Variants in SLIT1 observed in about 807,000 individuals in gnomAD.
SLIT1 encodes the protein slit homolog 1 protein.
SLIT1 carries 66 observed loss-of-function variants against 186.1 expected under a neutral mutation model. The observed-to-expected ratio is 0.35, with a 90% confidence interval of 0.29 to 0.44. SLIT1 has a LOEUF of 0.44. Among genes scored for constraint, SLIT1 ranks in the 20% least tolerant of loss-of-function variants. The pLI, the probability that SLIT1 is intolerant of heterozygous loss-of-function variation, is 1.00. For missense variants in SLIT1, 1,638 were observed against 2,037.4 expected (o/e 0.80, Z 3.77); for synonymous variants, 761 against 833.8 (o/e 0.91, Z 1.50).
chr10:97,078,486 T>A (rs1402018435), intron 4 of SLIT1, among the ~76,000 whole-genome samples: 1 of 152,204 alleles, frequency 6.6e-6, no homozygotes, highest in East Asian at 1.9e-4. Flanking sequence ...CTGTTTGCTA[T>A]GCAGCTACTG....
chr10:97,104,662 C>T (rs746746801), intron 4 of SLIT1, among the ~76,000 whole-genome samples: 14 of 152,098 alleles, frequency 9.2e-5, no homozygotes, highest in Non-Finnish European at 1.5e-4. Context: ...CCCCACCACA[C>T]GTGCCCAGCT....
At chr10:97,062,538 G>A (rs1438487245) in intron 8 of SLIT1, among the ~76,000 whole-genome samples, 3 of 152,234 alleles carry the variant, frequency 2.0e-5, no homozygotes, top group African/African-American at 7.2e-5. Context: ...CACAATGCGG[G>A]ACCTCATGTA....
intron 30 of SLIT1, 51 bp downstream of exon 30, chr10:97,013,690 T>A (rs190249305): frequency 7.4e-7 from 1 of 1,358,504 alleles, no homozygotes; most frequent in East Asian, 2.5e-5. Context: ...GAATCCAGTC[T>A]GACTCAGGGG....
intron 6 of SLIT1, among the ~76,000 whole-genome samples, 186 bp from the exon 7 acceptor site, chr10:97,064,425 G>C (rs150304789): frequency 6.6e-6 from 1 of 152,154 alleles, no homozygotes; most frequent in Admixed American, 6.5e-5. Context: ...GAGCTGGGAC[G>C]GTGACCGTAA....
chr10:97,002,156 A>G lies in SLIT1; in HGVS notation c.4366+2T>C. ...GGGCACGTCAGGAGGGGGGCCCCTG[A>G]CCTTGCTCACACAGCTCGCCCGAAA... On this transcript the variant is annotated splice_donor_variant, in intron 36 of 36. Transcript: ENST00000266058. LOFTEE classifies it high-confidence loss of function. 6.9e-7 allele frequency: 1 copy of G among 1,448,778 alleles called. No homozygotes were observed. The highest frequency in any genetic ancestry group is 9.1e-7 in the Non-Finnish European group (1 of 1,093,696). The allele number at this position is 1,448,778 out of a possible 1,614,324, so 89.7% of individuals were successfully genotyped here. A position where few individuals can be genotyped will look rare whatever the true frequency, so the allele number is the denominator to read the frequency against.
intron 1 of SLIT1, among the ~76,000 whole-genome samples, chr10:97,175,719 A>G (rs2134741717): frequency 6.7e-6 from 1 of 150,222 alleles, no homozygotes; most frequent in Non-Finnish European, 1.5e-5. Context: ...CTACCCCCAA[A>G]CCACAGCCCT....
intron 1 of SLIT1, among the ~76,000 whole-genome samples, chr10:97,171,294 C>T (rs528649568): frequency 1.7e-4 from 26 of 152,190 alleles, no homozygotes; most frequent in Admixed American, 3.3e-4. Context: ...CAGGGTAGCC[C>T]GGGTGCATTT....
intron 4 of SLIT1, among the ~76,000 whole-genome samples, chr10:97,104,586 T>A (rs565502007): frequency 3.5e-4 from 53 of 152,060 alleles, no homozygotes; most frequent in African/African-American, 1.3e-3. Context: ...TACTGACACA[T>A]CCCAGACCCT....
chr10:97,080,131 C>T (rs1318467764), intron 4 of SLIT1, among the ~76,000 whole-genome samples: 1 of 152,116 alleles, frequency 6.6e-6, no homozygotes, highest in African/African-American at 2.4e-5. Flanking sequence ...ACCAATGGGC[C>T]CCGGGCTTCT....
intron 1 of SLIT1, among the ~76,000 whole-genome samples, chr10:97,165,298 C>T (rs983925497): frequency 1.4e-4 from 22 of 152,316 alleles, no homozygotes; most frequent in Middle Eastern, 3.4e-3. Flanking sequence ...CTACCTTATA[C>T]GGTTAGCACA....
intron 7 of SLIT1, 139 bp from the exon 8 acceptor site, chr10:97,063,757 G>T: frequency 2.2e-6 from 2 of 915,098 alleles, no homozygotes; most frequent in Non-Finnish European, 3.3e-6. Context: ...CAAGTAGACG[G>T]CTCAGCTCCA....
At chr10:97,085,178 C>A (rs555992864) in intron 4 of SLIT1, among the ~76,000 whole-genome samples, 1 of 152,122 alleles carries the variant, frequency 6.6e-6, no homozygotes, top group Non-Finnish European at 1.5e-5. Flanking sequence ...CCTCCTTTGC[C>A]TCCCAAAGTG....
intron 17 of SLIT1, 54 bp downstream of exon 17, chr10:97,046,937 G>T: frequency 6.4e-7 from 1 of 1,557,622 alleles, no homozygotes. Flanking sequence ...CATTTCCCTT[G>T]TCCATCCCTG....
chr10:97,173,602 G>C (rs532203273), intron 1 of SLIT1, among the ~76,000 whole-genome samples: 3 of 151,984 alleles, frequency 2.0e-5, no homozygotes, highest in Non-Finnish European at 4.4e-5. Flanking sequence ...AGGCTCAAGT[G>C]GGGGTGACGA....
At chr10:97,039,586 A>G (rs1482452484) in intron 21 of SLIT1, among the ~76,000 whole-genome samples, 2 of 152,236 alleles carry the variant, frequency 1.3e-5, no homozygotes, top group African/African-American at 4.8e-5. Flanking sequence ...CAAATATCCA[A>G]CAAAAGGGGT....
chr10:97,011,095 C>A lies in SLIT1; in HGVS notation c.3239G>T (p.Cys1080Phe). Residue 1080 changes from cysteine (C) to phenylalanine (F), a missense_variant, in exon 31 of 37, where the codon TGC becomes TTC. Around this residue, in one of 3 missense-constraint regions of SLIT1, gnomAD observed 1,245 missense variants for 1,535.3 expected, o/e 0.81. Transcript: ENST00000266058. The stretch of plus-strand genomic sequence containing the variant: ...CCTGCAGTCATCCTGGTTCTCACTG[C>A]AGTTGTCACCTGCATAACCTGGCAT... ...ECMPGYAGDN[C>F]SENQDDCRDH... The A allele has an allele frequency of 6.2e-7, 1 of 1,613,922 alleles. No homozygotes were observed. The highest frequency in any genetic ancestry group is 8.5e-7 in the Non-Finnish European group (1 of 1,179,830).
chr10:97,098,469 G>C (rs900926501), intron 4 of SLIT1, among the ~76,000 whole-genome samples: 2 of 152,206 alleles, frequency 1.3e-5, no homozygotes, highest in Non-Finnish European at 2.9e-5. Flanking sequence ...GGTACGGTGA[G>C]GACTTGGCGA....
chr10:97,001,652 A>G (rs12766020), intron 36 of SLIT1, among the ~76,000 whole-genome samples: 24,338 of 152,114 alleles, frequency 0.16, 2,460 homozygotes, highest in Middle Eastern at 0.29. Context: ...CGGGGGCAAT[A>G]ACATTATGAA....
intron 1 of SLIT1, among the ~76,000 whole-genome samples, chr10:97,169,556 G>A (rs1850160796): frequency 6.6e-6 from 1 of 152,224 alleles, no homozygotes; most frequent in South Asian, 2.1e-4. Context: ...AGCTGCCAGG[G>A]GAGACTGGAA....
Sources: gnomAD v4.1 joint callset for allele counts (sites outside exome capture counted in the v4.1 genomes callset) on GRCh38, gnomAD v4.1.1 for gene constraint, gnomAD v4.1.1 regional missense constraint, MANE v1.5 for transcripts, NCBI Gene and HGNC (gene_info 2026-07-23, HGNC 2026-07-21) for gene names.